Variants in SARDH observed in about 807,000 individuals in gnomAD.
SARDH encodes sarcosine dehydrogenase, mitochondrial.
In SARDH, 95 loss-of-function variants were observed where a neutral mutation model predicts 109.1. The ratio of observed to expected loss-of-function variants is 0.87; its 90% CI spans 0.74 to 1.03. The LOEUF (loss-of-function observed/expected upper bound fraction) is 1.03, where lower values mean the gene tolerates loss of function less well. Ranked by LOEUF, SARDH falls within the 50% of genes least tolerant of loss-of-function variation. SARDH has a pLI of 0.00. For synonymous variants in SARDH, 572 were observed against 534.8 expected, an observed-to-expected ratio of 1.07 and a Z score of -0.96; for missense variants, 1,267 against 1,287.8, an observed-to-expected ratio of 0.98 and a Z score of 0.25.
intron 14 of SARDH, among the ~76,000 whole-genome samples, chr9:133,694,592 C>G (rs76159104): frequency 0.019 from 2,961 of 152,316 alleles, 84 homozygotes; most frequent in African/African-American, 0.066. Context: ...GCAGGACATC[C>G]CATCACCGTC....
At chr9:133,661,444 T>C (rs1382930782), downstream of SARDH, among the ~76,000 whole-genome samples, 2 of 151,906 alleles carry the variant, frequency 1.3e-5, no homozygotes, top group Admixed American at 1.3e-4. Context: ...CTGCACACTG[T>C]GGTATAGCGC....
At position 133,686,459 on chromosome 9, in the gene SARDH, G is replaced by A. The variant is rs1375077130; in HGVS notation, c.2070-1173C>T. ...TCCCTGACTCCCTAGGTCTTGGGCAGGTACTCGTTGTCCAAGATCCCACAG... is the reference window on the plus strand; with the variant it reads ...TCCCTGACTCCCTAGGTCTTGGGCAAGTACTCGTTGTCCAAGATCCCACAG... On this transcript the variant is annotated intron_variant, in intron 16 of 20. Transcript: ENST00000439388. The surrounding 1 kb of genome is among the most constrained non-coding windows in gnomAD (Gnocchi z 4.0). 6.6e-6 allele frequency among the ~76,000 whole-genome samples: 1 copy of A among 152,094 alleles called. No individual in the cohort carries two copies. The highest frequency in any genetic ancestry group is 1.5e-5 in the Non-Finnish European group (1 of 68,004).
chr9:133,730,649 A>T (rs1832648825), intron 4 of SARDH, among the ~76,000 whole-genome samples: 1 of 151,772 alleles, frequency 6.6e-6, no homozygotes, highest in Non-Finnish European at 1.5e-5. Flanking sequence ...CTGCTGGGTG[A>T]TCTTGACTTC....
At chr9:133,724,462 C>A (rs906722633) in intron 6 of SARDH, among the ~76,000 whole-genome samples, 5 of 152,176 alleles carry the variant, frequency 3.3e-5, no homozygotes, top group African/African-American at 4.8e-5. Flanking sequence ...CGGTGAGACA[C>A]CACCTCACAC....
At chr9:133,735,313 G>C (rs181201072) in intron 1 of SARDH, among the ~76,000 whole-genome samples, 12 of 152,290 alleles carry the variant, frequency 7.9e-5, no homozygotes, top group Middle Eastern at 3.4e-3. Context: ...CTCAGAAGCC[G>C]GGTTAACAGG....
Position 133,730,099 on chromosome 9 carries a change from C to A in SARDH, c.779G>T (p.Gly260Val). Residue 260 changes from glycine to valine, a missense_variant, in exon 5 of 21, where the codon GGT becomes GTT. Physicochemically the swap from Gly to Val is moderately radical, Grantham distance 109. Transcript: ENST00000439388. Reference protein sequence around the residue: ...RRVAGVETQHGSIQTPCVVNC... With the variant: ...RRVAGVETQHVSIQTPCVVNC... The stretch of plus-strand genomic sequence containing the variant: ...GACCACGCAGGGTGTCTGGATGGAA[C>A]CATGCTGAGTCTCCACACCCGCGAC... 1 of 1,614,228 alleles carries A rather than the reference C, an allele frequency of 6.2e-7. No homozygotes were observed. The highest frequency in any genetic ancestry group is 8.5e-7 in the Non-Finnish European group (1 of 1,180,034).
At chr9:133,726,095 C>T (rs931374271) in intron 6 of SARDH, among the ~76,000 whole-genome samples, 9 of 151,860 alleles carry the variant, frequency 5.9e-5, no homozygotes, top group African/African-American at 9.7e-5. Context: ...TAATCACAGC[C>T]GGGCAAGGTG....
intron 19 of SARDH, 27 bp downstream of exon 19, chr9:133,670,557 G>A (rs1260926340): frequency 6.4e-6 from 10 of 1,556,634 alleles, no homozygotes; most frequent in South Asian, 4.7e-5. Context: ...TTGCTTCCGG[G>A]TGGGCGTGGA....
rs138686916 is a variant in SARDH, at chr9:133,666,391, G to A, written c.2631+344C>T. 3.3e-5 allele frequency among the ~76,000 whole-genome samples: 5 copies of A among 152,260 alleles called. No homozygotes were observed. The highest frequency in any genetic ancestry group is 1.9e-4 in the East Asian group (1 of 5,156). ...AAAAAAGCCTGGAATCACCAAAGTCGGATTCTTCCAGAAAGAAAACAGAGA... is the reference window on the plus strand; with the variant it reads ...AAAAAAGCCTGGAATCACCAAAGTCAGATTCTTCCAGAAAGAAAACAGAGA... On this transcript the variant is annotated intron_variant, in intron 20 of 20. Transcript: ENST00000439388. This position sits in a 1 kb window ranked among gnomAD's most constrained non-coding sequence, Gnocchi z 5.2.
intron 2 of SARDH, among the ~76,000 whole-genome samples, chr9:133,733,377 G>A (rs564500547): frequency 2.0e-5 from 3 of 152,308 alleles, no homozygotes; most frequent in African/African-American, 4.8e-5. Flanking sequence ...TGGCTGTCCT[G>A]GGACATGCAC....
In SARDH at chr9:133,666,750, G is replaced by T. The variant is rs1297317667; in HGVS notation, c.2616C>A (p.Asp872Glu). 2 of 1,595,818 alleles carry T rather than the reference G, an allele frequency of 1.3e-6. No homozygotes were observed. Among genetic ancestry groups the T allele is most frequent in the Non-Finnish European group, 1.7e-6 (2 of 1,171,508 alleles). Residue 872 changes from aspartate (D) to glutamate (E), a missense_variant, in exon 20 of 21, where the codon GAC becomes GAA. Coordinates refer to ENST00000439388, the MANE Select transcript of SARDH (RefSeq NM_001134707.2). This position sits in a 1 kb window ranked among gnomAD's most constrained non-coding sequence, Gnocchi z 5.2. Reference protein sequence around the residue: ...DKTIAYGYIHDPSGGPVSLDF... With the variant: ...DKTIAYGYIHEPSGGPVSLDF... ...GGGGACTCACCGGCCCACCGCTGGG[G>T]TCATGGATGTAACCGTAGGCGATGG...
intron 6 of SARDH, among the ~76,000 whole-genome samples, chr9:133,721,722 GAC>G (rs1175518645): frequency 1.3e-5 from 2 of 152,166 alleles, no homozygotes; most frequent in African/African-American, 4.8e-5. Context: ...CAGATCCCTT[GAC>G]ACAACTGGGG....
chr9:133,661,550 C>T (rs1832415673), downstream of SARDH, among the ~76,000 whole-genome samples: 1 of 151,774 alleles, frequency 6.6e-6, no homozygotes, highest in Admixed American at 6.6e-5. Flanking sequence ...GGCATAATCT[C>T]GGCTCACCAC....
chr9:133,697,759 A>G (rs1008648312), intron 13 of SARDH, among the ~76,000 whole-genome samples: 5 of 152,166 alleles, frequency 3.3e-5, no homozygotes, highest in Non-Finnish European at 5.9e-5. Context: ...ACTATAAGGG[A>G]GCTTCCCTCA....
chr9:133,696,476 C>G (rs1267888339), intron 13 of SARDH, 115 bp from the exon 14 acceptor site: 1 of 1,341,360 alleles, frequency 7.5e-7, no homozygotes, highest in Non-Finnish European at 1.0e-6. Context: ...CCTCCCCTCC[C>G]TCTCTTCCAG....
chr9:133,682,360 T>A (rs1253552565), intron 17 of SARDH, among the ~76,000 whole-genome samples: 1 of 152,160 alleles, frequency 6.6e-6, no homozygotes, highest in Non-Finnish European at 1.5e-5. Flanking sequence ...CCACAGATAG[T>A]CACAGATGAC....
At chr9:133,685,434 A>T in intron 16 of SARDH, 148 bp from the exon 17 acceptor site, 1 of 624,072 alleles carries the variant, frequency 1.6e-6, no homozygotes, top group Non-Finnish European at 2.8e-6. Context: ...AAATACACCA[A>T]GACAGATGTA....
intron 13 of SARDH, among the ~76,000 whole-genome samples, chr9:133,696,610 T>C (rs1185792875): frequency 6.6e-6 from 1 of 152,002 alleles, no homozygotes. Flanking sequence ...TTCAAAAAGG[T>C]TGAAATCATA....
chr9:133,705,834 G>T (rs1271675316), intron 11 of SARDH, among the ~76,000 whole-genome samples: 2 of 152,214 alleles, frequency 1.3e-5, no homozygotes, highest in African/African-American at 4.8e-5. Flanking sequence ...AGGTCATCAG[G>T]GTGGGTCCTA....
Sources: allele counts gnomAD v4.1 joint callset (sites outside exome capture counted in the v4.1 genomes callset), GRCh38; gene constraint gnomAD v4.1.1; non-coding constraint Gnocchi (gnomAD v3.1); transcripts MANE v1.5; gene names NCBI Gene and HGNC (gene_info 2026-07-23, HGNC 2026-07-21).